Variants in GFRAL observed in about 807,000 individuals in gnomAD.
GFRAL encodes GDNF family receptor alpha like.
Under a neutral mutation model 45.4 loss-of-function variants are expected in GFRAL, and 36 were observed. That is an observed-to-expected ratio of 0.79 (90% CI 0.61 to 1.05). The LOEUF (loss-of-function observed/expected upper bound fraction) is 1.05, where lower values mean the gene tolerates loss of function less well. Among genes scored for constraint, GFRAL ranks in the 50% least tolerant of loss-of-function variants. The probability of loss-of-function intolerance (pLI) is 0.00; values close to 1 mark genes in which losing one functional copy is unlikely to be tolerated. For synonymous variants in GFRAL, 166 were observed against 154.1 expected (o/e 1.08, Z -0.57); for missense variants, 507 against 467.5 (o/e 1.08, Z -0.78).
intron 6 of GFRAL, among the ~76,000 whole-genome samples, chr6:55,364,343 T>G (rs148672354): frequency 0.027 from 4,087 of 150,452 alleles, 84 homozygotes; most frequent in African/African-American, 0.049. Context: ...TATTAGCCCT[T>G]TGTCGGATGA....
At chr6:55,387,992 T>C (rs554096458) in intron 6 of GFRAL, among the ~76,000 whole-genome samples, 4 of 152,334 alleles carry the variant, frequency 2.6e-5, no homozygotes, top group African/African-American at 9.6e-5. Flanking sequence ...AGCCACTGCA[T>C]GGCACATGTG....
intron 6 of GFRAL, among the ~76,000 whole-genome samples, chr6:55,397,670 T>C (rs1768845303): frequency 6.6e-6 from 1 of 152,180 alleles, no homozygotes; most frequent in African/African-American, 2.4e-5. Flanking sequence ...GGTTTACTAC[T>C]GGTCTGAAAC....
chr6:55,328,690 C>T (rs1371626727), intron 1 of GFRAL, among the ~76,000 whole-genome samples: 1 of 151,836 alleles, frequency 6.6e-6, no homozygotes, highest in Non-Finnish European at 1.5e-5. Flanking sequence ...TAATGAAGCT[C>T]ACAAAATACA....
chr6:55,385,684 A>G (rs1351406599), intron 6 of GFRAL, among the ~76,000 whole-genome samples: 7 of 152,098 alleles, frequency 4.6e-5, no homozygotes, highest in Admixed American at 3.3e-4. Flanking sequence ...TCAATTGATT[A>G]TAAATGTTAC....
At chr6:55,337,183 T>C (rs1047701668) in intron 3 of GFRAL, among the ~76,000 whole-genome samples, 2 of 152,122 alleles carry the variant, frequency 1.3e-5, no homozygotes, top group Non-Finnish European at 2.9e-5. Context: ...CCAAGCTTGA[T>C]CACATTTTTT....
intron 6 of GFRAL, among the ~76,000 whole-genome samples, chr6:55,395,395 A>G (rs1193752481): frequency 6.6e-6 from 1 of 151,776 alleles, no homozygotes; most frequent in African/African-American, 2.4e-5. Context: ...AGTACAAACT[A>G]TTTTCATTAT....
chr6:55,393,692 G>C (rs1368098041), intron 6 of GFRAL, among the ~76,000 whole-genome samples: 1 of 152,042 alleles, frequency 6.6e-6, no homozygotes, highest in Non-Finnish European at 1.5e-5. Flanking sequence ...GAAGCCTCTT[G>C]GTGGCTGGAA....
chr6:55,386,550 G>A (rs1768684379), intron 6 of GFRAL, among the ~76,000 whole-genome samples: 2 of 152,220 alleles, frequency 1.3e-5, no homozygotes, highest in South Asian at 4.1e-4. Flanking sequence ...AGATTACTGA[G>A]AGAGACCCAG....
chr6:55,374,731 T>C (rs147251868), intron 6 of GFRAL, among the ~76,000 whole-genome samples: 2,081 of 152,262 alleles, frequency 0.014, 46 homozygotes, highest in African/African-American at 0.046. Context: ...ATTGCCTAGA[T>C]TTTCTTCTAG....
At chr6:55,368,459 G>A (rs1370195931) in intron 6 of GFRAL, among the ~76,000 whole-genome samples, 54 of 152,210 alleles carry the variant, frequency 3.5e-4, no homozygotes, top group African/African-American at 4.1e-4. Flanking sequence ...GTCATTCTCC[G>A]TCCAGCTTTG....
chr6:55,333,657 G>T (rs1381782841), intron 2 of GFRAL, 129 bp from the exon 3 acceptor site: 3 of 502,572 alleles, frequency 6.0e-6, no homozygotes, highest in African/African-American at 4.0e-5. Context: ...TGGATATCTT[G>T]CAGCAACCCC....
rs149737219 is a variant in GFRAL, at chr6:55,395,918, A to G, written c.953-3262A>G. ...CCCATCAAATGTACAAGGATTTTAC[A>G]ATATAGTTCATAATCGTGTTTAATT... On this transcript the variant is annotated intron_variant, in intron 6 of 8. Transcript: ENST00000340465. Among the ~76,000 whole-genome samples, 252 of 152,332 alleles carry G rather than the reference A, an allele frequency of 1.7e-3. 2 individuals are homozygous for G. The highest frequency in any genetic ancestry group is 5.6e-3 in the African/African-American group (234 of 41,580).
intron 5 of GFRAL, among the ~76,000 whole-genome samples, chr6:55,354,850 G>A (rs1013313646): frequency 6.6e-6 from 1 of 151,770 alleles, no homozygotes; most frequent in Non-Finnish European, 1.5e-5. Flanking sequence ...AATTCACGAT[G>A]GGCTTTGAAA....
intron 6 of GFRAL, among the ~76,000 whole-genome samples, chr6:55,391,016 AT>A (rs1468490219): frequency 2.0e-5 from 3 of 152,132 alleles, no homozygotes; most frequent in Non-Finnish European, 4.4e-5. Flanking sequence ...TTATAAAAAA[AT>A]ATAATCTATC....
At chr6:55,359,983 T>G (rs946373865) in intron 6 of GFRAL, among the ~76,000 whole-genome samples, 1 of 152,040 alleles carries the variant, frequency 6.6e-6, no homozygotes, top group Non-Finnish European at 1.5e-5. Context: ...TTTCTCCCCT[T>G]GGTCTTTAAC....
At chr6:55,357,870 T>A (rs141544051) in intron 5 of GFRAL, among the ~76,000 whole-genome samples, 1 of 151,748 alleles carries the variant, frequency 6.6e-6, no homozygotes, top group Non-Finnish European at 1.5e-5. Context: ...TAGGTACAGA[T>A]GTAGTCTCTA....
At chr6:55,349,583 T>C (rs557673466) in intron 3 of GFRAL, among the ~76,000 whole-genome samples, 1 of 152,146 alleles carries the variant, frequency 6.6e-6, no homozygotes, top group African/African-American at 2.4e-5. Flanking sequence ...AACACCGAGT[T>C]CATTTTCGTT....
At chr6:55,348,866 T>C (rs1235875222) in intron 3 of GFRAL, among the ~76,000 whole-genome samples, 2 of 152,146 alleles carry the variant, frequency 1.3e-5, no homozygotes, top group African/African-American at 4.8e-5. Flanking sequence ...GTTTCTTGAA[T>C]ATATTTTAGT....
intron 6 of GFRAL, among the ~76,000 whole-genome samples, chr6:55,360,384 A>G (rs1768256793): frequency 6.7e-6 from 1 of 148,206 alleles, no homozygotes; most frequent in Admixed American, 6.7e-5. Flanking sequence ...ACAGACATAG[A>G]TCTATATCTA....
Sources: gnomAD v4.1 joint callset for allele counts (sites outside exome capture counted in the v4.1 genomes callset) on GRCh38, gnomAD v4.1.1 for gene constraint, MANE v1.5 for transcripts, NCBI Gene and HGNC (gene_info 2026-07-23, HGNC 2026-07-21) for gene names.